The following FAM163A variants were observed in gnomAD, a reference collection of about 807,000 sequenced individuals.
FAM163A encodes the protein protein FAM163A.
A neutral mutation model predicts 12.0 loss-of-function variants in FAM163A; 7 were observed. The ratio of observed to expected loss-of-function variants is 0.58; its 90% confidence interval spans 0.33 to 1.10. The LOEUF (loss-of-function observed/expected upper bound fraction) is 1.10, where lower values mean the gene tolerates loss of function less well. FAM163A is among the 50% of genes least tolerant of loss of function. FAM163A has a pLI of 0.03. For synonymous variants in FAM163A, 101 were observed against 91.0 expected, an observed-to-expected ratio of 1.11 and a Z score of -0.62; for missense variants, 202 against 218.6, an observed-to-expected ratio of 0.92 and a Z score of 0.48.
intron 1 of FAM163A, among the ~76,000 whole-genome samples, chr1:179,787,954 A>G (rs1235661617): frequency 6.6e-6 from 1 of 152,230 alleles, no homozygotes; most frequent in African/African-American, 2.4e-5. Context: ...CTGGATGTCA[A>G]CCAGGCTTGG....
intron 1 of FAM163A, among the ~76,000 whole-genome samples, chr1:179,797,900 C>A (rs142058882): frequency 1.3e-5 from 2 of 152,098 alleles, no homozygotes; most frequent in East Asian, 1.9e-4. Context: ...TGTTGATGTG[C>A]GGTTGACTTG....
intron 3 of FAM163A, among the ~76,000 whole-genome samples, chr1:179,812,622 C>T (rs531632867): frequency 3.3e-5 from 5 of 152,158 alleles, no homozygotes; most frequent in East Asian, 3.9e-4. Context: ...CCAAATTATT[C>T]GCAGCCCCGT....
chr1:179,749,856 C>CA (rs34577773), intron 1 of FAM163A, among the ~76,000 whole-genome samples: 1 of 151,808 alleles, frequency 6.6e-6, no homozygotes, highest in Non-Finnish European at 1.5e-5. Flanking sequence ...GAAACTCTGT[C>CA]AAAAAAATAA....
At chr1:179,747,478 G>A (rs953201889) in intron 1 of FAM163A, among the ~76,000 whole-genome samples, 2 of 152,204 alleles carry the variant, frequency 1.3e-5, no homozygotes, top group African/African-American at 2.4e-5. Context: ...AGAAGGACTT[G>A]CTTCCAGCCA....
chr1:179,778,908 C>T (rs910597392), intron 1 of FAM163A, among the ~76,000 whole-genome samples: 20 of 152,216 alleles, frequency 1.3e-4, no homozygotes, highest in African/African-American at 3.9e-4. Context: ...ATAGAGGCTC[C>T]GAGCTAGACT....
At chr1:179,767,908 A>G (rs1557917254) in intron 1 of FAM163A, among the ~76,000 whole-genome samples, 1 of 152,230 alleles carries the variant, frequency 6.6e-6, no homozygotes, top group East Asian at 1.9e-4. Context: ...AGTGTTAAGT[A>G]GTGTTAAGTA....
intron 1 of FAM163A, among the ~76,000 whole-genome samples, chr1:179,767,602 G>C (rs1385952501): frequency 6.6e-6 from 1 of 151,834 alleles, no homozygotes; most frequent in African/African-American, 2.4e-5. Context: ...TGTTTCTCTT[G>C]GTGAGAAAAA....
intron 1 of FAM163A, among the ~76,000 whole-genome samples, chr1:179,805,693 G>A (rs570491105): frequency 2.6e-5 from 4 of 152,224 alleles, no homozygotes; most frequent in East Asian, 3.9e-4. Context: ...TGTCTACACC[G>A]CCCTGTTCTC....
chr1:179,751,594 G>T (rs1685279288), intron 1 of FAM163A, among the ~76,000 whole-genome samples: 2 of 152,162 alleles, frequency 1.3e-5, no homozygotes, highest in Admixed American at 6.5e-5. Context: ...CCAGAGGTTT[G>T]CTGTGAAAGT....
chr1:179,738,573 A>C (rs1381591726), upstream of FAM163A, among the ~76,000 whole-genome samples: 1 of 152,224 alleles, frequency 6.6e-6, no homozygotes, highest in East Asian at 1.9e-4. Context: ...TTCAAAAATC[A>C]ATGCAATCCA....
intron 1 of FAM163A, among the ~76,000 whole-genome samples, chr1:179,796,993 C>A (rs1692419058): frequency 6.6e-6 from 1 of 152,200 alleles, no homozygotes; most frequent in African/African-American, 2.4e-5. Flanking sequence ...GGGCTCCTGC[C>A]CACTTTCACC....
intron 2 of FAM163A, among the ~76,000 whole-genome samples, chr1:179,811,494 G>A (rs542107812): frequency 5.9e-5 from 9 of 152,270 alleles, no homozygotes; most frequent in African/African-American, 2.2e-4. Context: ...TTGTTAAAAT[G>A]CAAACTCTGA....
intron 1 of FAM163A, among the ~76,000 whole-genome samples, chr1:179,778,293 A>G (rs1395191172): frequency 1.3e-5 from 2 of 152,166 alleles, no homozygotes; most frequent in African/African-American, 4.8e-5. Flanking sequence ...GACTCCAAGG[A>G]AGAGACAGCA....
At chr1:179,788,505 A>G (rs1330136352) in intron 1 of FAM163A, among the ~76,000 whole-genome samples, 1 of 152,178 alleles carries the variant, frequency 6.6e-6, no homozygotes, top group African/African-American at 2.4e-5. Flanking sequence ...GGTATAGATC[A>G]CTAATGGGCT....
chr1:179,765,677 ATT>A (rs749528573), intron 1 of FAM163A, among the ~76,000 whole-genome samples: 494 of 127,154 alleles, frequency 3.9e-3, no homozygotes, highest in East Asian at 0.016. Flanking sequence ...AGCTTTGGGA[ATT>A]TTTTTTTTTT....
At chr1:179,790,061 A>G (rs1004754841) in intron 1 of FAM163A, among the ~76,000 whole-genome samples, 3 of 152,088 alleles carry the variant, frequency 2.0e-5, no homozygotes, top group Non-Finnish European at 4.4e-5. Context: ...AAAGGAGAAG[A>G]GATTGGTAGG....
chr1:179,788,308 G>A (rs1022802861), intron 1 of FAM163A, among the ~76,000 whole-genome samples: 3 of 152,154 alleles, frequency 2.0e-5, no homozygotes, highest in African/African-American at 4.8e-5. Flanking sequence ...AAATCCGAAC[G>A]ATATTTCTCT....
chr1:179,794,575 T>TGGA (rs1691999146), intron 1 of FAM163A, among the ~76,000 whole-genome samples: 1 of 152,142 alleles, frequency 6.6e-6, no homozygotes, highest in South Asian at 2.1e-4. Context: ...CAAAAATCAT[T>TGGA]ATAACAACAC....
upstream of FAM163A, among the ~76,000 whole-genome samples, chr1:179,741,028 C>T (rs372729300): frequency 6.6e-6 from 1 of 152,166 alleles, no homozygotes; most frequent in East Asian, 1.9e-4. Context: ...GTAGAAGATA[C>T]TTGCAGTCTC....
Sources: allele counts gnomAD v4.1 joint callset (sites outside exome capture counted in the v4.1 genomes callset), GRCh38; gene constraint gnomAD v4.1.1; transcripts MANE v1.5; gene names NCBI Gene and HGNC (gene_info 2026-07-23, HGNC 2026-07-21).